Variants in SLC39A8 observed in about 807,000 individuals in gnomAD.
SLC39A8 encodes the protein solute carrier family 39 member 8, also known as metal cation symporter ZIP8.
SLC39A8 carries 15 observed loss-of-function variants against 40.4 expected under a neutral mutation model. That is an observed-to-expected ratio of 0.37 (90% CI 0.25 to 0.57). The LOEUF is 0.57. Among genes scored for constraint, SLC39A8 ranks in the 20% least tolerant of loss-of-function variants. SLC39A8 has a pLI of 0.75. For synonymous variants in SLC39A8, 223 were observed against 221.6 expected, an observed-to-expected ratio of 1.01 and a Z score of -0.06; for missense variants, 472 against 558.8, an observed-to-expected ratio of 0.84 and a Z score of 1.57.
chr4:102,334,718 G>A (rs1002451303), intron 2 of SLC39A8, among the ~76,000 whole-genome samples: 3 of 152,138 alleles, frequency 2.0e-5, no homozygotes, highest in African/African-American at 7.2e-5. Flanking sequence ...TCCTTCTGTG[G>A]GATGATACTC....
At chr4:102,290,954 A>AT (rs1418954547) in intron 6 of SLC39A8, among the ~76,000 whole-genome samples, 2 of 151,894 alleles carry the variant, frequency 1.3e-5, no homozygotes, top group South Asian at 4.1e-4. Flanking sequence ...CTCTATTTTC[A>AT]TTTTTTCTCT....
intron 6 of SLC39A8, among the ~76,000 whole-genome samples, chr4:102,271,090 G>C (rs1421492337): frequency 6.6e-6 from 1 of 151,790 alleles, no homozygotes; most frequent in Non-Finnish European, 1.5e-5. Flanking sequence ...AGAGGATGAA[G>C]AGAAGGATGA....
At chr4:102,318,942 T>C (rs549698491) in intron 2 of SLC39A8, among the ~76,000 whole-genome samples, 9 of 152,296 alleles carry the variant, frequency 5.9e-5, no homozygotes, top group African/African-American at 2.2e-4. Context: ...TGTCCTCGTG[T>C]TCAGCGCGTT....
At chr4:102,293,459 A>G (rs920464084) in intron 6 of SLC39A8, among the ~76,000 whole-genome samples, 1 of 152,050 alleles carries the variant, frequency 6.6e-6, no homozygotes, top group African/African-American at 2.4e-5. Flanking sequence ...TTGCTCTTCA[A>G]TATGGATGCA....
rs72924900 is a variant in SLC39A8 at position 102,313,162 on chromosome 4, A to G, written c.382+2506T>C. Among the ~76,000 whole-genome samples, 1,409 of 152,254 alleles carry G rather than the reference A, an allele frequency of 9.3e-3. 28 individuals are homozygous for G. Among genetic ancestry groups the G allele is most frequent in the African/African-American group, 0.032 (1,316 of 41,552 alleles). On this transcript the variant is annotated intron_variant, in intron 3 of 8. Transcript: ENST00000356736. Reference sequence around the variant, plus strand: ...TGCTTTGTATATATAAATACAGAATATCAATGAGAACATGGGTTCTGAAGC... The same window carrying G: ...TGCTTTGTATATATAAATACAGAATGTCAATGAGAACATGGGTTCTGAAGC...
chr4:102,317,729 C>T lies in SLC39A8; in HGVS notation c.220-1899G>A, dbSNP rs145527793. On this transcript the variant is annotated intron_variant, in intron 2 of 8. Transcript: ENST00000356736. ...CTGTTTCCCTGCAAGGAAGACTTACCCTACTTGGACTTTAAATTCCTCCAA... is the reference window on the plus strand; with the variant it reads ...CTGTTTCCCTGCAAGGAAGACTTACTCTACTTGGACTTTAAATTCCTCCAA... Among the ~76,000 whole-genome samples the T allele has an allele frequency of 9.4e-4, 143 of 152,162 alleles. 1 individual carries two copies. The highest frequency in any genetic ancestry group is 3.4e-3 in the African/African-American group (140 of 41,526).
intron 3 of SLC39A8, among the ~76,000 whole-genome samples, chr4:102,309,617 A>G (rs1370294333): frequency 6.6e-6 from 1 of 152,086 alleles, no homozygotes; most frequent in Non-Finnish European, 1.5e-5. Flanking sequence ...AATATTTATA[A>G]TCTCATTGGG....
intron 6 of SLC39A8, among the ~76,000 whole-genome samples, chr4:102,284,899 T>C (rs750156756): frequency 4.6e-5 from 7 of 152,110 alleles, no homozygotes; most frequent in African/African-American, 1.2e-4. Flanking sequence ...AACCTGGTAA[T>C]AGAGGAGGAT....
chr4:102,342,595 C>CT (rs1261727588), intron 2 of SLC39A8, among the ~76,000 whole-genome samples: 1 of 152,052 alleles, frequency 6.6e-6, no homozygotes, highest in African/African-American at 2.4e-5. Context: ...TTATGGGCTT[C>CT]TTCCTGTCTC....
downstream of SLC39A8, chr4:102,259,496 C>G (rs143300464): frequency 5.4e-5 from 84 of 1,546,662 alleles, no homozygotes; most frequent in African/African-American, 8.9e-4. Flanking sequence ...TTGATGTCAT[C>G]AGTAGCCCAT....
At position 102,287,556 on chromosome 4, in the gene SLC39A8, G is replaced by A. The variant is rs563149607; in HGVS notation, c.840+16761C>T. Among the ~76,000 whole-genome samples the A allele has an allele frequency of 3.3e-5, 5 of 152,018 alleles. No individual in the cohort carries two copies. The East Asian group carries it at 5.8e-4, about 18-fold the overall frequency. ...ATATGCGCCACTCCATTTGCATCAC[G>A]TCCCACCCCAAAACACACCACGTCT... On this transcript the variant is annotated intron_variant, in intron 6 of 8. Transcript: ENST00000356736.
chr4:102,335,101 T>C (rs977935137), intron 2 of SLC39A8, among the ~76,000 whole-genome samples: 2 of 152,162 alleles, frequency 1.3e-5, no homozygotes, highest in Non-Finnish European at 2.9e-5. Context: ...TTCATGCTAA[T>C]GTGTAGGTGA....
chr4:102,312,683 A>G (rs1734483739), intron 3 of SLC39A8, among the ~76,000 whole-genome samples: 2 of 152,174 alleles, frequency 1.3e-5, no homozygotes, highest in Non-Finnish European at 2.9e-5. Context: ...GTTATTTAAC[A>G]GACCTAACTA....
At chr4:102,278,911 C>T (rs1226711990) in intron 6 of SLC39A8, among the ~76,000 whole-genome samples, 7 of 151,864 alleles carry the variant, frequency 4.6e-5, no homozygotes, top group East Asian at 1.9e-4. Flanking sequence ...AACCAAACAC[C>T]GCATGTTCTC....
At chr4:102,313,467 A>C (rs1734531418) in intron 3 of SLC39A8, among the ~76,000 whole-genome samples, 1 of 152,138 alleles carries the variant, frequency 6.6e-6, no homozygotes. Context: ...TGAAGTGTAC[A>C]TGCACAAAGG....
chr4:102,297,403 G>A (rs1733723881), intron 6 of SLC39A8, among the ~76,000 whole-genome samples: 1 of 152,088 alleles, frequency 6.6e-6, no homozygotes, highest in African/African-American at 2.4e-5. Flanking sequence ...GGTTGTTACT[G>A]TGAAGATTAA....
chr4:102,317,511 T>C (rs1239373686), intron 2 of SLC39A8, among the ~76,000 whole-genome samples: 5 of 152,232 alleles, frequency 3.3e-5, no homozygotes, highest in African/African-American at 1.2e-4. Context: ...AATAAACTAA[T>C]GGAGGGAGAA....
chr4:102,260,745 A>AT (rs1731827447), downstream of SLC39A8, among the ~76,000 whole-genome samples: 2 of 152,208 alleles, frequency 1.3e-5, no homozygotes, highest in African/African-American at 4.8e-5. Context: ...TGCTACTGGC[A>AT]TTTTCTTAGC....
rs1358448465 is a variant in SLC39A8, at chr4:102,263,195, T to C, written c.1234-2A>G. 6.2e-7 allele frequency: 1 copy of C among 1,612,722 alleles called. No individual in the cohort carries two copies. On this transcript the variant is annotated splice_acceptor_variant, in intron 8 of 8. Coordinates refer to ENST00000356736, the MANE Select transcript of SLC39A8 (RefSeq NM_001135146.2). LOFTEE classifies it high-confidence loss of function. ...CAGCATATCATTCATCTCTGGAAAC[T>C]AGAAGACAGATATATTGTTAGATAA...
Sources: gnomAD v4.1 joint callset for allele counts (sites outside exome capture counted in the v4.1 genomes callset) on GRCh38, gnomAD v4.1.1 for gene constraint, MANE v1.5 for transcripts, NCBI Gene and HGNC (gene_info 2026-07-23, HGNC 2026-07-21) for gene names.